FZD3: variants seen among roughly 807,000 people sequenced by gnomAD.
FZD3 encodes frizzled-3.
Under a neutral mutation model 60.7 loss-of-function variants are expected in FZD3, and 30 were observed. That is an observed-to-expected ratio of 0.49 (90% confidence interval 0.37 to 0.67). FZD3 has a LOEUF of 0.67. FZD3 is among the 30% of genes least tolerant of loss of function. The probability of loss-of-function intolerance (pLI) is 0.00; values close to 1 mark genes in which losing one functional copy is unlikely to be tolerated. For missense variants in FZD3, 605 were observed against 838.7 expected (o/e 0.72, Z 3.44); for synonymous variants, 246 against 275.2 (o/e 0.89, Z 1.05).
intron 6 of FZD3, among the ~76,000 whole-genome samples, chr8:28,555,404 G>A (rs1805490287): frequency 1.3e-5 from 2 of 152,278 alleles, no homozygotes; most frequent in Non-Finnish European, 2.9e-5. Context: ...TGATGAAATT[G>A]TATACTTTCA....
At chr8:28,549,144 T>C (rs1279897894) in intron 5 of FZD3, among the ~76,000 whole-genome samples, 2 of 152,234 alleles carry the variant, frequency 1.3e-5, no homozygotes, top group Non-Finnish European at 2.9e-5. Flanking sequence ...ACATGGCCTT[T>C]CTGTGTGTGT....
intron 5 of FZD3, among the ~76,000 whole-genome samples, chr8:28,551,246 T>G (rs537831093): frequency 6.6e-6 from 1 of 152,298 alleles, no homozygotes; most frequent in South Asian, 2.1e-4. Flanking sequence ...TTTAAAAGAT[T>G]TTGGGCCAGG....
intron 3 of FZD3, among the ~76,000 whole-genome samples, chr8:28,511,372 G>C (rs952725415): frequency 6.6e-6 from 1 of 152,128 alleles, no homozygotes; most frequent in East Asian, 1.9e-4. Flanking sequence ...TGTAGTCCCA[G>C]CTACTTGGGA....
chr8:28,540,663 A>C (rs1355916812), intron 5 of FZD3, among the ~76,000 whole-genome samples: 1 of 152,234 alleles, frequency 6.6e-6, no homozygotes, highest in Non-Finnish European at 1.5e-5. Flanking sequence ...AAAATTCTAT[A>C]GCCAAGTGTG....
chr8:28,533,022 T>C (rs1804919267), intron 5 of FZD3, among the ~76,000 whole-genome samples: 1 of 152,332 alleles, frequency 6.6e-6, no homozygotes, highest in South Asian at 2.1e-4. Flanking sequence ...TTTATTCAGG[T>C]CTTTTATTTC....
chr8:28,522,399 T>C (rs1295001783), intron 4 of FZD3, among the ~76,000 whole-genome samples: 7 of 152,220 alleles, frequency 4.6e-5, no homozygotes, highest in Non-Finnish European at 1.0e-4. Flanking sequence ...GTCAATTTAT[T>C]GATGTTCTAC....
rs1325203962 is a variant in FZD3, at chr8:28,563,044, T to C, written c.*33T>C. The C allele has an allele frequency of 6.9e-7, 1 of 1,452,582 alleles. No individual in the cohort carries two copies. Among genetic ancestry groups the C allele is most frequent in the Admixed American group, 1.7e-5 (1 of 59,778 alleles). 90.0% of individuals were successfully genotyped at this position (1,452,582 alleles called of 1,614,324 possible). On this transcript the variant is annotated 3_prime_UTR_variant, in exon 8 of 8. Coordinates refer to ENST00000240093, the MANE Select transcript of FZD3 (RefSeq NM_017412.4). ...TGTCTAAGGTGGAAATCTTGTGCTG[T>C]TTAAAAAGCAGATTTTATTCTTTGC...
intron 4 of FZD3, among the ~76,000 whole-genome samples, chr8:28,522,805 C>G (rs1643351137): frequency 8.0e-6 from 1 of 124,992 alleles, no homozygotes; most frequent in African/African-American, 3.0e-5. Context: ...GAGTCTCGCT[C>G]TGTCACCCAG....
chr8:28,559,783 G>C (rs1349304305), intron 7 of FZD3, among the ~76,000 whole-genome samples: 2 of 152,190 alleles, frequency 1.3e-5, no homozygotes, highest in African/African-American at 2.4e-5. Flanking sequence ...TTAACTTTGT[G>C]TGTCAACACT....
intron 3 of FZD3, among the ~76,000 whole-genome samples, chr8:28,504,816 A>G (rs1804093766): frequency 6.6e-6 from 1 of 152,196 alleles, no homozygotes; most frequent in East Asian, 1.9e-4. Flanking sequence ...TGCATCCCTC[A>G]TTGTAGGTTC....
chr8:28,533,006 A>G (rs896553310), intron 5 of FZD3, among the ~76,000 whole-genome samples: 3 of 152,126 alleles, frequency 2.0e-5, no homozygotes, highest in Non-Finnish European at 2.9e-5. Context: ...CTTCAATACT[A>G]ATGGTTTTAT....
rs988635322 is a variant in FZD3 at position 28,563,609 on chromosome 8, G to A, written c.*598G>A. ...TGAAAGGTTCTCTTAAAATTCTATC[G>A]AAATAATCTTCATGCAGAGATATTC... On this transcript the variant is annotated 3_prime_UTR_variant, in exon 8 of 8. Transcript: ENST00000240093. The A allele has an allele frequency of 2.6e-5, 4 of 152,644 alleles. No individual in the cohort carries two copies. The highest frequency in any genetic ancestry group is 6.5e-5 in the Admixed American group (1 of 15,326). 9.5% of individuals were successfully genotyped at this position (152,644 alleles called of 1,614,324 possible).
chr8:28,555,051 A>G (rs779291814), intron 6 of FZD3, among the ~76,000 whole-genome samples: 4 of 152,114 alleles, frequency 2.6e-5, no homozygotes, highest in Non-Finnish European at 4.4e-5. Context: ...AGCAGTTAAA[A>G]TTTTTTGTTC....
intron 6 of FZD3, 110 bp downstream of exon 6, chr8:28,551,861 T>A: frequency 3.4e-6 from 3 of 874,196 alleles, no homozygotes; most frequent in Non-Finnish European, 5.3e-6. Context: ...CAAACAAGAC[T>A]AACATTTTCA....
intron 3 of FZD3, 75 bp downstream of exon 3, chr8:28,503,277 G>A (rs2130277159): frequency 5.1e-6 from 4 of 785,314 alleles, no homozygotes; most frequent in Non-Finnish European, 8.2e-6. Flanking sequence ...TCTAATGAAT[G>A]TGTTTGATAA....
At chr8:28,524,327 G>C (rs1285104786) in intron 4 of FZD3, among the ~76,000 whole-genome samples, 1 of 152,132 alleles carries the variant, frequency 6.6e-6, no homozygotes, top group African/African-American at 2.4e-5. Flanking sequence ...CCTCCAAATA[G>C]ACTGATTAAT....
chr8:28,501,843 A>G (rs966123566), intron 2 of FZD3, among the ~76,000 whole-genome samples: 1 of 152,202 alleles, frequency 6.6e-6, no homozygotes, highest in Non-Finnish European at 1.5e-5. Flanking sequence ...CCGTTCGTTG[A>G]TGAAATATTT....
chr8:28,511,452 T>C (rs762282661), intron 3 of FZD3, among the ~76,000 whole-genome samples: 45 of 152,142 alleles, frequency 3.0e-4, no homozygotes, highest in Non-Finnish European at 4.9e-4. Context: ...GCCTCTGTAC[T>C]CCATCCAGTC....
rs79038854 is a variant in FZD3 at position 28,510,326 on chromosome 8, G to A, written c.189+7124G>A. 4.7e-3 allele frequency among the ~76,000 whole-genome samples: 721 copies of A among 152,166 alleles called. 26 individuals carry two copies. The East Asian group carries it at 0.091, about 19-fold the overall frequency. ...TTCACATTTTGACTAGTGTATTTTT[G>A]GGATAGGTTCCTAGAAGTATAAATG... On this transcript the variant is annotated intron_variant, in intron 3 of 7. Coordinates refer to ENST00000240093, the MANE Select transcript of FZD3 (RefSeq NM_017412.4).
Sources: allele counts gnomAD v4.1 joint callset (sites outside exome capture counted in the v4.1 genomes callset), GRCh38; gene constraint gnomAD v4.1.1; transcripts MANE v1.5; gene names NCBI Gene and HGNC (gene_info 2026-07-23, HGNC 2026-07-21).